CCNL2: variants seen among roughly 807,000 people sequenced by gnomAD.
The protein encoded by CCNL2 is cyclin L2.
Under a neutral mutation model 59.1 loss-of-function variants are expected in CCNL2, and 28 were observed. That is an observed-to-expected ratio of 0.47 (90% CI 0.35 to 0.65). The LOEUF is 0.65. Among genes scored for constraint, CCNL2 ranks in the 30% least tolerant of loss-of-function variants. CCNL2 has a pLI of 0.00. For missense variants in CCNL2, 714 were observed against 717.4 expected (o/e 1.00, Z 0.05); for synonymous variants, 342 against 288.6 (o/e 1.19, Z -1.88).
chr1:1,388,632 G>A (rs1038122030), intron 8 of CCNL2: 27 of 413,332 alleles, frequency 6.5e-5, no homozygotes, highest in South Asian at 2.5e-4. Flanking sequence ...TTACCTGAGC[G>A]TGGTGGTGGG....
intron 1 of CCNL2, 171 bp downstream of exon 1, chr1:1,398,848 G>C: frequency 7.5e-7 from 1 of 1,334,994 alleles, no homozygotes; most frequent in Admixed American, 2.5e-5. Flanking sequence ...CGGGCGGGGA[G>C]GCCCCGGGTC....
chr1:1,387,653 C>T (rs1287743553), intron 10 of CCNL2, 71 bp from the exon 11 acceptor site: 1 of 1,405,350 alleles, frequency 7.1e-7, no homozygotes, highest in Non-Finnish European at 9.7e-7. Flanking sequence ...CCCACAGGAG[C>T]TCAGACAAGA....
rs368387971 is a variant in CCNL2 at position 1,390,729 on chromosome 1, T to A, written c.759+37A>T. ...TTACTGGAGGCTGGAGAAAAAAAAATCAGACTAGAATCTCTCCATAGTAGC... is the reference window on the plus strand; with the variant it reads ...TTACTGGAGGCTGGAGAAAAAAAAAACAGACTAGAATCTCTCCATAGTAGC... On this transcript the variant is annotated intron_variant, in intron 6 of 10. Transcript: ENST00000400809. The A allele has an allele frequency of 1.2e-3, 1,827 of 1,582,238 alleles. 4 individuals are homozygous for A. Among genetic ancestry groups the A allele is most frequent in the Non-Finnish European group, 1.4e-3 (1,609 of 1,152,110 alleles).
chr1:1,391,279 G>A (rs1429361513), intron 5 of CCNL2: 18 of 1,137,880 alleles, frequency 1.6e-5, no homozygotes, highest in Non-Finnish European at 2.0e-5. Flanking sequence ...AATCCATAGT[G>A]CAGAGAAACA....
intron 5 of CCNL2, chr1:1,391,704 C>A: frequency 2.0e-6 from 1 of 499,410 alleles, no homozygotes; most frequent in Non-Finnish European, 3.2e-6. Flanking sequence ...AAGCTATAAA[C>A]ATACAAAAAT....
At chr1:1,395,640 A>G in intron 3 of CCNL2, 126 bp from the exon 4 acceptor site, 8 of 1,374,580 alleles carry the variant, frequency 5.8e-6, no homozygotes, top group Non-Finnish European at 8.0e-6. Context: ...TATGAAGTCC[A>G]CATCCTCTGA....
chr1:1,398,307 C>T lies in CCNL2; in HGVS notation c.399G>A (p.Lys133=), dbSNP rs890978071. The change falls in exon 3 of 11, where the codon AAG becomes AAA. Residue 133 remains lysine (K), a synonymous_variant. Coordinates refer to ENST00000400809, the MANE Select transcript of CCNL2 (RefSeq NM_030937.6). ...GTATGCGTCTTGGGGCCTCTTCTAT[C>T]TTGGAAGCCAGGTGGACACAGGCCA... The part of the protein sequence containing the change: ...VSMACVHLAS[K]IEEAPRRIRD... 8 of 1,614,090 alleles carry T rather than the reference C, an allele frequency of 5.0e-6. No homozygotes were observed. In the African/African-American group the frequency reaches 1.1e-4, roughly 22 times the overall value.
intron 3 of CCNL2, among the ~76,000 whole-genome samples, chr1:1,397,862 G>A (rs1359352143): frequency 6.6e-6 from 1 of 152,080 alleles, no homozygotes; most frequent in Admixed American, 6.5e-5. Flanking sequence ...ACCTGTCTCA[G>A]GAGGAAAAAA....
chr1:1,398,003 G>C (rs2100360217), intron 3 of CCNL2, among the ~76,000 whole-genome samples: 1 of 152,320 alleles, frequency 6.6e-6, no homozygotes, highest in Non-Finnish European at 1.5e-5. Context: ...GCCAGCCCCA[G>C]CGCGACCCGC....
chr1:1,387,992 C>T lies in CCNL2; in HGVS notation c.1080G>A (p.Glu360=), dbSNP rs1436225861. ...TGTCCGCCTTGGCTTTCTTGGCGCC[C>T]TCCAGCCTCCTCTTGGTGTTCTTCA... The part of the protein sequence containing the change: ...LSVKNTKRRL[E]GAKKAKADSP... Residue 360 remains glutamate, a synonymous_variant, in exon 9 of 11, where the codon GAG becomes GAA. Transcript: ENST00000400809. 1 of 1,614,116 alleles carries T rather than the reference C, an allele frequency of 6.2e-7. No homozygotes were observed.
rs147201418 is a variant in CCNL2 at position 1,399,096 on chromosome 1, T to G, written c.211A>C (p.Thr71Pro). ...ACGCGGAGGTCGGTCTCTGTGTCGG[T>G]GTCGAGGCCGCTCGACATGGACGGC... The part of the protein sequence containing the change: ...FTPSMSSGLD[T>P]DTETDLRVVG... Residue 71 changes from threonine to proline, a missense_variant, in exon 1 of 11, where the codon ACC becomes CCC. This residue lies in a region of CCNL2 where 270 missense variants were observed against 254.9 expected (regional missense o/e 1.06). Transcript: ENST00000400809. The G allele has an allele frequency of 1.2e-6, 2 of 1,611,648 alleles. No homozygotes were observed. The highest frequency in any genetic ancestry group is 2.7e-5 in the African/African-American group (2 of 74,542).
chr1:1,396,019 A>C (rs1644999942), intron 3 of CCNL2, among the ~76,000 whole-genome samples: 1 of 151,554 alleles, frequency 6.6e-6, no homozygotes, highest in African/African-American at 2.4e-5. Flanking sequence ...TCTACTAAAA[A>C]AATGCAAAAA....
chr1:1,387,232 C>T lies in CCNL2; in HGVS notation c.1562G>A (p.Ter521=), dbSNP rs1644497417. 2 of 1,598,570 alleles carry T rather than the reference C, an allele frequency of 1.3e-6. No individual in the cohort carries two copies. Among genetic ancestry groups the T allele is most frequent in the Non-Finnish European group, 1.7e-6 (2 of 1,174,612 alleles). ...DHPGHSRHRR[*] is the part of the protein sequence containing the mutation. ...GCCACCAGTCACTGCAACCCCGCCTCACCTCCGATGCCTGCTGTGCCCAGG... is the reference window on the plus strand; with the variant it reads ...GCCACCAGTCACTGCAACCCCGCCTTACCTCCGATGCCTGCTGTGCCCAGG... Residue 521 remains the stop codon, a stop_retained_variant, in exon 11 of 11, where the codon TGA becomes TAA. Transcript: ENST00000400809.
chr1:1,395,441 C>T lies in CCNL2; in HGVS notation c.547G>A (p.Val183Ile). ...KNQIIKAERR[V>I]LKELGFCVHV... ...ACGCAGAAACCCAACTCTTTGAGAA[C>T]TCGTCTTTCCGCCTTTATAATTTGG... Residue 183 changes from valine to isoleucine, a missense_variant, in exon 4 of 11, where the codon GTT becomes ATT. Physicochemically the swap from Val to Ile is conservative, Grantham distance 29. This residue lies in a region of CCNL2 where 270 missense variants were observed against 254.9 expected (regional missense o/e 1.06). Transcript: ENST00000400809. 3 of 1,614,178 alleles carry T rather than the reference C, an allele frequency of 1.9e-6. No homozygotes were observed. The highest frequency in any genetic ancestry group is 2.5e-6 in the Non-Finnish European group (3 of 1,180,024).
chr1:1,390,021 G>A (rs542709799), intron 8 of CCNL2, among the ~76,000 whole-genome samples: 7 of 151,968 alleles, frequency 4.6e-5, no homozygotes, highest in Non-Finnish European at 8.8e-5. Context: ...AGAAAGCTGA[G>A]GTGGGAGGAT....
At chr1:1,390,912 C>T (rs756705013) in intron 5 of CCNL2, 47 bp from the exon 6 acceptor site, 2 of 1,492,370 alleles carry the variant, frequency 1.3e-6, no homozygotes, top group African/African-American at 1.4e-5. Context: ...CCCGGGAACC[C>T]AGGTCTTCCG....
chr1:1,395,497 A>G lies in CCNL2; in HGVS notation c.491T>C (p.Leu164Pro). The G allele has an allele frequency of 6.2e-7, 1 of 1,614,120 alleles. No individual in the cohort carries two copies. Among genetic ancestry groups the G allele is most frequent in the Non-Finnish European group, 8.5e-7 (1 of 1,180,016 alleles). Residue 164 changes from leucine to proline, a missense_variant, in exon 4 of 11, where the codon CTA becomes CCA. Transcript: ENST00000400809. ...TAAATTAACATAATCTTGATCCAGT[A>G]GTAGAGGCACGGGCTTCCTGCCAGA... ...LRDKKKPVPL[L>P]LDQDYVNLKN...
intron 1 of CCNL2, 110 bp from the exon 2 acceptor site, chr1:1,398,781 CTTCCCACGTCCACAAAGGCTCTTCGCG>C: frequency 8.0e-7 from 1 of 1,257,038 alleles, no homozygotes; most frequent in Non-Finnish European, 1.1e-6. Flanking sequence ...CACTGAAACG[CTTCCCACGTCCACAAAGGCTCTTCGCG>C]TCCCGCCGTC....
chr1:1,395,630 T>A (rs143511823), intron 3 of CCNL2, 116 bp from the exon 4 acceptor site: 18 of 1,429,582 alleles, frequency 1.3e-5, no homozygotes, highest in Non-Finnish European at 1.7e-5. Flanking sequence ...ACAACATCGC[T>A]ATGAAGTCCA....
Sources: allele counts gnomAD v4.1 joint callset (sites outside exome capture counted in the v4.1 genomes callset), GRCh38; gene constraint gnomAD v4.1.1; regional missense constraint gnomAD v4.1.1; transcripts MANE v1.5; gene names NCBI Gene and HGNC (gene_info 2026-07-23, HGNC 2026-07-21).